The following SRGAP3 variants were observed in gnomAD, a reference collection of about 807,000 sequenced individuals.
SRGAP3 encodes SLIT-ROBO Rho GTPase-activating protein 3.
In SRGAP3, 39 loss-of-function variants were observed where a neutral mutation model predicts 121.1. That is an observed-to-expected ratio of 0.32 (90% CI 0.25 to 0.42). The LOEUF (loss-of-function observed/expected upper bound fraction) is 0.42, where lower values mean the gene tolerates loss of function less well. Among genes scored for constraint, SRGAP3 ranks in the 10% least tolerant of loss-of-function variants. The pLI is 1.00. For synonymous variants in SRGAP3, 601 were observed against 570.0 expected, an observed-to-expected ratio of 1.05 and a Z score of -0.77; for missense variants, 1,213 against 1,470.6, an observed-to-expected ratio of 0.82 and a Z score of 2.86.
At chr3:9,029,491 TTA>T (rs1189083775) in intron 12 of SRGAP3, among the ~76,000 whole-genome samples, 7 of 152,322 alleles carry the variant, frequency 4.6e-5, no homozygotes, top group South Asian at 2.1e-4. Flanking sequence ...CAACATTTAC[TTA>T]TGATTATGAA....
chr3:9,313,947 C>T (rs1955297679), intron 3 of SRGAP3, among the ~76,000 whole-genome samples: 2 of 152,040 alleles, frequency 1.3e-5, no homozygotes, highest in African/African-American at 2.4e-5. Flanking sequence ...GAGCCGAGAT[C>T]GTGCCACTGC....
intron 3 of SRGAP3, among the ~76,000 whole-genome samples, chr3:9,103,256 A>G (rs1350215707): frequency 1.3e-5 from 2 of 152,358 alleles, no homozygotes; most frequent in African/African-American, 2.4e-5. Context: ...TTGTGCTTCT[A>G]GCAATCTCAG....
chr3:9,257,348 TC>T (rs903647177), intron 3 of SRGAP3: 3 of 152,114 alleles, frequency 2.0e-5, no homozygotes, highest in African/African-American at 7.2e-5. Context: ...AAGCGAACTC[TC>T]TCTCTTTCTC....
At chr3:9,135,655 T>C (rs576433516) in intron 1 of SRGAP3, among the ~76,000 whole-genome samples, 167 of 152,364 alleles carry the variant, frequency 1.1e-3, no homozygotes, top group African/African-American at 3.9e-3. Context: ...CAAGTAAGTA[T>C]TCTTATCTTG....
Position 9,205,556 on chromosome 3 carries a change from T to A in SRGAP3, c.67+43329A>T, listed in dbSNP as rs566759306. ...GAGGACAGAGCTGAGACTCAATAAA[T>A]GAGTCAGCCCCACCCAAATCTAGAA... On this transcript the variant is annotated intron_variant, in intron 1 of 21. Coordinates refer to ENST00000383836, the MANE Select transcript of SRGAP3 (RefSeq NM_014850.4). Among the ~76,000 whole-genome samples, 7 of 152,336 alleles carry A rather than the reference T, an allele frequency of 4.6e-5. No individual in the cohort carries two copies. In the East Asian group the frequency reaches 1.3e-3, roughly 29 times the overall value.
chr3:9,311,404 C>G lies in SRGAP3; in HGVS notation n.442+14606G>C, dbSNP rs554369157. On this transcript the variant is annotated intron_variant and non_coding_transcript_variant, in intron 3 of 3. Transcript: ENST00000490889. ...TATTCAGGACAACTTGGGAAGGAAA[C>G]TTTGGCATTACTGTAAAATAGAGGT... Among the ~76,000 whole-genome samples, 7 of 152,332 alleles carry G rather than the reference C, an allele frequency of 4.6e-5. No individual in the cohort carries two copies. In the East Asian group the frequency reaches 1.3e-3, roughly 29 times the overall value.
intron 3 of SRGAP3, among the ~76,000 whole-genome samples, chr3:9,296,533 G>T (rs1954956961): frequency 6.6e-6 from 1 of 152,214 alleles, no homozygotes; most frequent in Non-Finnish European, 1.5e-5. Context: ...TCTTTTTGTA[G>T]AAATGGTACA....
chr3:9,030,069 T>C (rs987029140), intron 12 of SRGAP3, among the ~76,000 whole-genome samples: 1 of 152,170 alleles, frequency 6.6e-6, no homozygotes, highest in Non-Finnish European at 1.5e-5. Flanking sequence ...GGAGGATCAC[T>C]TGAGCCCAAG....
At chr3:9,227,764 T>A (rs1953042755) in intron 1 of SRGAP3, among the ~76,000 whole-genome samples, 2 of 152,248 alleles carry the variant, frequency 1.3e-5, no homozygotes. Context: ...CAGTGGCCTC[T>A]AGCACCTGAA....
intron 3 of SRGAP3, among the ~76,000 whole-genome samples, chr3:9,258,806 C>T (rs1447191589): frequency 6.6e-6 from 1 of 152,208 alleles, no homozygotes; most frequent in South Asian, 2.1e-4. Flanking sequence ...ATTTCTCCCA[C>T]CTGAACAGCT....
intron 2 of SRGAP3, among the ~76,000 whole-genome samples, chr3:9,123,754 G>GTGTGTGTGTGTT (rs1949112144): frequency 1.3e-5 from 2 of 149,562 alleles, no homozygotes; most frequent in Non-Finnish European, 3.0e-5. Context: ...GTGTGTGTGT[G>GTGTGTGTGTGTT]TATGTGTGTA....
chr3:9,247,091 T>C (rs1315926728), intron 1 of SRGAP3, among the ~76,000 whole-genome samples: 1 of 152,178 alleles, frequency 6.6e-6, no homozygotes, highest in Admixed American at 6.5e-5. Context: ...AAACCTGAAC[T>C]GTCCAAAACT....
intron 2 of SRGAP3, among the ~76,000 whole-genome samples, chr3:9,115,047 A>AG (rs1948755820): frequency 6.6e-6 from 1 of 152,230 alleles, no homozygotes; most frequent in African/African-American, 2.4e-5. Flanking sequence ...TAAGTGGCAG[A>AG]CTAGCATTCC....
chr3:9,280,979 T>C (rs1186194039), intron 3 of SRGAP3, among the ~76,000 whole-genome samples: 1 of 148,164 alleles, frequency 6.7e-6, no homozygotes, highest in Non-Finnish European at 1.5e-5. Context: ...TTGGGGGTGG[T>C]GGGAGTCTTC....
At chr3:9,049,598 G>A in intron 9 of SRGAP3, 2 of 426,296 alleles carry the variant, frequency 4.7e-6, no homozygotes, top group Non-Finnish European at 9.4e-6. Context: ...GTTTCTCCAA[G>A]TGTGGGGCAG....
At chr3:9,285,423 A>G (rs2125267371) in intron 3 of SRGAP3, among the ~76,000 whole-genome samples, 1 of 152,272 alleles carries the variant, frequency 6.6e-6, no homozygotes, top group African/African-American at 2.4e-5. Context: ...GCCATAAAAG[A>G]ATTCTCCAAC....
chr3:9,159,101 T>C (rs1464695803), intron 1 of SRGAP3, among the ~76,000 whole-genome samples: 1 of 152,142 alleles, frequency 6.6e-6, no homozygotes, highest in East Asian at 1.9e-4. Flanking sequence ...ACTCGTGTTC[T>C]GTACTGGGGT....
rs1212713003 is a variant in SRGAP3, at chr3:9,192,508, G to A, written c.67+56377C>T. 3 of 152,186 alleles carry A rather than the reference G, an allele frequency of 2.0e-5. No individual in the cohort carries two copies. In the East Asian group the frequency reaches 5.8e-4, roughly 29 times the overall value. 9.4% of individuals were successfully genotyped at this position (152,186 alleles called of 1,614,324 possible). On this transcript the variant is annotated intron_variant, in intron 1 of 21. Transcript: ENST00000383836. The stretch of plus-strand genomic sequence containing the variant: ...AGGGGCAGTTGGGTTTCCCTGCTAT[G>A]TTTTGTCACACATCATTGCTGGGAG...
At chr3:9,140,053 C>T (rs1013582370) in intron 1 of SRGAP3, among the ~76,000 whole-genome samples, 7 of 151,878 alleles carry the variant, frequency 4.6e-5, no homozygotes, top group South Asian at 2.1e-4. Flanking sequence ...TGCAATGGTA[C>T]GGCATGCTTA....
Sources: allele counts gnomAD v4.1 joint callset (sites outside exome capture counted in the v4.1 genomes callset), GRCh38; gene constraint gnomAD v4.1.1; transcripts MANE v1.5; gene names NCBI Gene and HGNC (gene_info 2026-07-23, HGNC 2026-07-21).